Variants in DENND2B observed in about 807,000 individuals in gnomAD.
DENND2B encodes the protein DENN domain-containing protein 2B.
Under a neutral mutation model 116.0 loss-of-function variants are expected in DENND2B, and 32 were observed. That is an observed-to-expected ratio of 0.28 (90% CI 0.21 to 0.37). DENND2B has a LOEUF of 0.37. DENND2B is among the 10% of genes least tolerant of loss of function. DENND2B has a pLI of 1.00. For synonymous variants in DENND2B, 588 were observed against 583.9 expected, an observed-to-expected ratio of 1.01 and a Z score of -0.10; for missense variants, 1,276 against 1,477.7, an observed-to-expected ratio of 0.86 and a Z score of 2.24.
intron 4 of DENND2B, among the ~76,000 whole-genome samples, chr11:8,722,348 A>T (rs373367524): frequency 6.6e-6 from 1 of 152,158 alleles, no homozygotes; most frequent in East Asian, 1.9e-4. Flanking sequence ...CAAGATGGAG[A>T]TGAGCACTAG....
At position 8,830,735 on chromosome 11, in the gene DENND2B, G is replaced by C. The variant is rs2062173242; in HGVS notation, c.-115+8575C>G. ...CTTTCACCCACTCTGGTGGGGGAAA[G>C]AGCCCCCATCACAGGCTCCAATCCA... is the stretch of plus-strand genomic sequence containing the variant. On this transcript the variant is annotated intron_variant, in intron 4 of 6. Transcript: ENST00000524757. 5 of 152,306 alleles carry C rather than the reference G, an allele frequency of 3.3e-5. No individual in the cohort carries two copies. In the South Asian group the frequency reaches 1.0e-3, roughly 32 times the overall value. 9.4% of individuals were successfully genotyped at this position (152,306 alleles called of 1,614,324 possible).
chr11:8,727,731 GT>G (rs1268389037), intron 3 of DENND2B, among the ~76,000 whole-genome samples: 1 of 152,102 alleles, frequency 6.6e-6, no homozygotes. Context: ...GTGAGAGCAA[GT>G]TTTCTTTGGC....
intron 17 of DENND2B, among the ~76,000 whole-genome samples, chr11:8,697,324 A>G (rs1377273706): frequency 1.3e-5 from 2 of 152,264 alleles, no homozygotes; most frequent in South Asian, 4.1e-4. Flanking sequence ...TGTCAGCAGA[A>G]AGTATCTTTG....
At chr11:8,841,706 C>T (rs532912606) in intron 3 of DENND2B, among the ~76,000 whole-genome samples, 105 of 152,288 alleles carry the variant, frequency 6.9e-4, no homozygotes, top group African/African-American at 2.4e-3. Context: ...CTCCCATTTT[C>T]CTTCATTGGG....
upstream of DENND2B, among the ~76,000 whole-genome samples, chr11:8,812,310 C>T (rs2061415720): frequency 6.6e-6 from 1 of 152,086 alleles, no homozygotes; most frequent in Admixed American, 6.5e-5. Flanking sequence ...GCCTAAAGAC[C>T]TTAAGACAGC....
intron 1 of DENND2B, among the ~76,000 whole-genome samples, chr11:8,761,505 C>G (rs1000736781): frequency 3.9e-5 from 6 of 152,180 alleles, no homozygotes; most frequent in Non-Finnish European, 8.8e-5. Context: ...TTCACTCTGG[C>G]CAGCCACATC....
rs919642803 is a variant in DENND2B at position 8,725,376 on chromosome 11, T to C, written c.1477+697A>G. Among the ~76,000 whole-genome samples, 5 of 147,264 alleles carry C rather than the reference T, an allele frequency of 3.4e-5. No individual in the cohort carries two copies. In the South Asian group the frequency reaches 8.6e-4, roughly 25 times the overall value. The stretch of plus-strand genomic sequence containing the variant: ...TAACAATAACCTTATGAAATATTAC[T>C]TTTTTTTTTTTTTTTGAGACGGAGT... On this transcript the variant is annotated intron_variant, in intron 4 of 19. Transcript: ENST00000313726.
At chr11:8,781,269 A>G (rs1337772210) in intron 1 of DENND2B, among the ~76,000 whole-genome samples, 1 of 152,126 alleles carries the variant, frequency 6.6e-6, no homozygotes, top group African/African-American at 2.4e-5. Context: ...ACCAAGAGTG[A>G]GCAGAGGAGG....
intron 14 of DENND2B, among the ~76,000 whole-genome samples, chr11:8,701,903 ACTC>A (rs1273344405): frequency 6.6e-6 from 1 of 150,694 alleles, no homozygotes; most frequent in Non-Finnish European, 1.5e-5. Flanking sequence ...CTCTTTTCTT[ACTC>A]CTCCTAAACC....
chr11:8,705,248 C>T (rs187802685), intron 13 of DENND2B, among the ~76,000 whole-genome samples: 13 of 152,298 alleles, frequency 8.5e-5, no homozygotes, highest in African/African-American at 2.9e-4. Context: ...AATTGCTGCC[C>T]TCTTCCCTAT....
intron 14 of DENND2B, chr11:8,700,089 G>A: frequency 2.2e-6 from 1 of 447,638 alleles, no homozygotes; most frequent in Non-Finnish European, 4.5e-6. Context: ...TGGCAAAGAG[G>A]AAGCTCAGCC....
At chr11:8,888,583 T>A (rs1435558516) in intron 1 of DENND2B, among the ~76,000 whole-genome samples, 1 of 152,120 alleles carries the variant, frequency 6.6e-6, no homozygotes, top group Non-Finnish European at 1.5e-5. Context: ...TTGCACTGCA[T>A]TAAAATTAAA....
intron 1 of DENND2B, among the ~76,000 whole-genome samples, chr11:8,766,324 C>A (rs1358133107): frequency 1.3e-5 from 2 of 152,084 alleles, no homozygotes; most frequent in Non-Finnish European, 2.9e-5. Context: ...TGCCTGCACA[C>A]CAGTTATCCC....
intron 1 of DENND2B, among the ~76,000 whole-genome samples, chr11:8,754,046 C>CACACACACACAT (rs2053148914): frequency 6.6e-6 from 1 of 151,984 alleles, no homozygotes; most frequent in African/African-American, 2.4e-5. Flanking sequence ...CACACACACA[C>CACACACACACAT]ACACACACAC....
intron 1 of DENND2B, among the ~76,000 whole-genome samples, chr11:8,896,938 C>T (rs1426861083): frequency 6.6e-6 from 1 of 152,146 alleles, no homozygotes; most frequent in Non-Finnish European, 1.5e-5. Flanking sequence ...ACAATCATTT[C>T]AGGATTTTGA....
chr11:8,736,489 T>C (rs996272108), intron 2 of DENND2B, among the ~76,000 whole-genome samples: 2 of 152,160 alleles, frequency 1.3e-5, no homozygotes, highest in African/African-American at 4.8e-5. Context: ...ATATCAACTC[T>C]GTGAGACGGT....
In DENND2B at chr11:8,698,959, G is replaced by C. The variant is rs1347076383; in HGVS notation, c.2914C>G (p.Leu972Val). 6.2e-7 allele frequency: 1 copy of C among 1,614,210 alleles called. No individual in the cohort carries two copies. The highest frequency in any genetic ancestry group is 8.5e-7 in the Non-Finnish European group (1 of 1,180,052). ...TGTCGGATGAATCGGTCAGATCCCA[G>C]ATTCACCATCAGCGCCTGAGAAAAG... The part of the protein sequence containing the change: ...LPVEEALMVN[L>V]GSDRFIRQMD... The change falls in exon 16 of 20, where the codon CTG (leucine) becomes GTG (valine). Residue 972 changes from leucine (L) to valine (V), a missense_variant. By Grantham distance (32) the Leu-to-Val change is conservative. Around this residue, in one of 2 missense-constraint regions of DENND2B, gnomAD observed 420 missense variants for 631.1 expected, o/e 0.67. Transcript: ENST00000313726.
intron 3 of DENND2B, among the ~76,000 whole-genome samples, chr11:8,854,849 A>G (rs2063139537): frequency 1.3e-5 from 2 of 152,120 alleles, no homozygotes; most frequent in Non-Finnish European, 1.5e-5. Context: ...GGTAGCTGGG[A>G]TTACAGGCCT....
chr11:8,717,495 G>A (rs1241934868), intron 5 of DENND2B, among the ~76,000 whole-genome samples: 3 of 152,234 alleles, frequency 2.0e-5, no homozygotes, highest in African/African-American at 7.2e-5. Context: ...ATGCCCCTCA[G>A]AGCAGGTGCC....
Sources: allele counts gnomAD v4.1 joint callset (sites outside exome capture counted in the v4.1 genomes callset), GRCh38; gene constraint gnomAD v4.1.1; regional missense constraint gnomAD v4.1.1; transcripts MANE v1.5; gene names NCBI Gene and HGNC (gene_info 2026-07-23, HGNC 2026-07-21).